The following PTPRD variants were observed in gnomAD, a reference collection of about 807,000 sequenced individuals.
PTPRD encodes the protein receptor-type tyrosine-protein phosphatase delta.
In PTPRD, 34 loss-of-function variants were observed where a neutral mutation model predicts 214.5. The observed-to-expected ratio is 0.16, with a 90% confidence interval of 0.12 to 0.21. PTPRD has a LOEUF of 0.21. Among genes scored for constraint, PTPRD ranks in the 10% least tolerant of loss-of-function variants. PTPRD has a pLI of 1.00. For missense variants in PTPRD, 2,545 were observed against 2,398.7 expected, an observed-to-expected ratio of 1.06 and a Z score of -1.27; for synonymous variants, 1,128 against 845.7, an observed-to-expected ratio of 1.33 and a Z score of -5.79.
chr9:9,966,617 A>G (rs1463698169), intron 4 of PTPRD, among the ~76,000 whole-genome samples: 1 of 152,224 alleles, frequency 6.6e-6, no homozygotes. Context: ...TGTTGTAGTC[A>G]CATTGAGCTG....
At chr9:8,796,072 T>G (rs1209772230) in intron 11 of PTPRD, among the ~76,000 whole-genome samples, 1 of 152,158 alleles carries the variant, frequency 6.6e-6, no homozygotes, top group African/African-American at 2.4e-5. Flanking sequence ...ACGTATGAAG[T>G]TAAGCCTTTC....
At chr9:10,347,201 A>G (rs376173779) in intron 2 of PTPRD, among the ~76,000 whole-genome samples, 1 of 151,972 alleles carries the variant, frequency 6.6e-6, no homozygotes, top group East Asian at 1.9e-4. Flanking sequence ...CTGTTATTCA[A>G]TGGGGCTAGT....
intron 2 of PTPRD, among the ~76,000 whole-genome samples, chr9:10,441,013 C>A (rs1169061124): frequency 1.3e-5 from 2 of 151,662 alleles, no homozygotes; most frequent in African/African-American, 4.8e-5. Context: ...AAAAATATTT[C>A]ACAGAGTGAA....
chr9:8,546,287 A>T (rs2080120648), intron 14 of PTPRD, among the ~76,000 whole-genome samples: 1 of 152,186 alleles, frequency 6.6e-6, no homozygotes, highest in African/African-American at 2.4e-5. Flanking sequence ...TCTGCTGGAG[A>T]ACAGATTAAA....
At chr9:9,578,900 A>G (rs1484337942) in intron 7 of PTPRD, among the ~76,000 whole-genome samples, 3 of 152,258 alleles carry the variant, frequency 2.0e-5, no homozygotes, top group African/African-American at 7.2e-5. Flanking sequence ...CATTTACCAA[A>G]CATATAATGT....
In PTPRD at chr9:10,391,080, T is replaced by C. The variant is rs116229736; in HGVS notation, c.-599-50063A>G. Among the ~76,000 whole-genome samples, 701 of 151,876 alleles carry C rather than the reference T, an allele frequency of 4.6e-3. 7 individuals carry two copies. Among genetic ancestry groups the C allele is most frequent in the African/African-American group, 0.016 (645 of 41,492 alleles). ...TTAGAAAGAAAGACCCATTACAGTA[T>C]TGGGGATTGTGTTAAATTACTTGGG... is the stretch of plus-strand genomic sequence containing the variant. On this transcript the variant is annotated intron_variant, in intron 2 of 45. Coordinates refer to ENST00000381196, the MANE Select transcript of PTPRD (RefSeq NM_002839.4).
chr9:8,820,313 G>A (rs868278245), intron 11 of PTPRD, among the ~76,000 whole-genome samples: 3 of 152,064 alleles, frequency 2.0e-5, no homozygotes, highest in Admixed American at 1.3e-4. Flanking sequence ...GCTACTTACT[G>A]TACTAGGCAA....
chr9:8,527,824 C>G (rs1443187960), intron 15 of PTPRD, among the ~76,000 whole-genome samples: 1 of 152,092 alleles, frequency 6.6e-6, no homozygotes, highest in East Asian at 1.9e-4. Flanking sequence ...ACAGCAAAAG[C>G]TGGAGTCTAC....
At chr9:10,342,560 A>G (rs2096961941) in intron 2 of PTPRD, among the ~76,000 whole-genome samples, 1 of 152,244 alleles carries the variant, frequency 6.6e-6, no homozygotes, top group Non-Finnish European at 1.5e-5. Flanking sequence ...ATGGTAAATT[A>G]TTTGAATTAA....
rs577163058 is a variant in PTPRD at position 9,586,120 on chromosome 9, T to A, written c.-286-11339A>T. ...CCTGGGCTAGTTGCGGTGGAGGTGG[T>A]AGGTCAGAGTTTTGTCACATATGTT... On this transcript the variant is annotated intron_variant, in intron 7 of 45. Coordinates refer to ENST00000381196, the MANE Select transcript of PTPRD (RefSeq NM_002839.4). Among the ~76,000 whole-genome samples, 4 of 152,066 alleles carry A rather than the reference T, an allele frequency of 2.6e-5. No individual in the cohort carries two copies. In the South Asian group the frequency reaches 8.3e-4, roughly 32 times the overall value.
chr9:9,751,055 C>T (rs2098513472), intron 6 of PTPRD, among the ~76,000 whole-genome samples: 1 of 152,134 alleles, frequency 6.6e-6, no homozygotes, highest in Admixed American at 6.6e-5. Context: ...GTGGCCTCTC[C>T]TGCCACAGCA....
chr9:10,126,945 A>ATTTTTTTTTTTT (rs2098824416), intron 3 of PTPRD, among the ~76,000 whole-genome samples: 15 of 104,820 alleles, frequency 1.4e-4, no homozygotes, highest in African/African-American at 5.7e-4. Flanking sequence ...TCTCAAATGG[A>ATTTTTTTTTTTT]CTTTTTTTTT....
intron 14 of PTPRD, among the ~76,000 whole-genome samples, chr9:8,557,057 T>C (rs2084043364): frequency 6.6e-6 from 1 of 152,128 alleles, no homozygotes; most frequent in African/African-American, 2.4e-5. Context: ...GTTTGTGGTA[T>C]ACAGTAAAGG....
chr9:8,711,943 C>G (rs372045498), intron 12 of PTPRD, among the ~76,000 whole-genome samples: 3 of 152,152 alleles, frequency 2.0e-5, no homozygotes, highest in African/African-American at 7.2e-5. Flanking sequence ...TGAAAGAAGC[C>G]AGACCCAAAA....
chr9:9,453,841 G>A (rs2092609368), intron 8 of PTPRD, among the ~76,000 whole-genome samples: 1 of 151,644 alleles, frequency 6.6e-6, no homozygotes, highest in Admixed American at 6.6e-5. Flanking sequence ...AGCTTTCAAA[G>A]AGAAACTCAG....
chr9:9,954,221 G>A (rs2093696656), intron 4 of PTPRD, among the ~76,000 whole-genome samples: 1 of 149,586 alleles, frequency 6.7e-6, no homozygotes, highest in Non-Finnish European at 1.5e-5. Context: ...GCTTGAACCT[G>A]GGAGGAGGCT....
intron 12 of PTPRD, among the ~76,000 whole-genome samples, chr9:8,685,772 T>C (rs1412235401): frequency 6.6e-6 from 1 of 152,196 alleles, no homozygotes; most frequent in African/African-American, 2.4e-5. Flanking sequence ...TCTAATCACA[T>C]TTTCATTTTC....
chr9:9,687,111 G>A (rs1217239977), intron 7 of PTPRD, among the ~76,000 whole-genome samples: 2 of 151,690 alleles, frequency 1.3e-5, no homozygotes, highest in Non-Finnish European at 2.9e-5. Context: ...TCAGTAGAAG[G>A]TGAGGAGAGT....
intron 7 of PTPRD, among the ~76,000 whole-genome samples, chr9:9,637,582 G>A (rs2095811591): frequency 1.3e-5 from 2 of 152,128 alleles, no homozygotes; most frequent in African/African-American, 2.4e-5. Context: ...AATGCCTTGG[G>A]CAGCTCCCCG....
Sources: allele counts gnomAD v4.1 joint callset (sites outside exome capture counted in the v4.1 genomes callset), GRCh38; gene constraint gnomAD v4.1.1; transcripts MANE v1.5; gene names NCBI Gene and HGNC (gene_info 2026-07-23, HGNC 2026-07-21).